The following FAM78B variants were observed in gnomAD, a reference collection of about 807,000 sequenced individuals.
The protein encoded by FAM78B is family with sequence similarity 78 member B.
Under a neutral mutation model 20.0 loss-of-function variants are expected in FAM78B, and 10 were observed. That is an observed-to-expected ratio of 0.50 (90% CI 0.31 to 0.85). FAM78B has a LOEUF of 0.85. Ranked by LOEUF, FAM78B falls within the 40% of genes least tolerant of loss-of-function variation. FAM78B has a pLI of 0.05. For missense variants in FAM78B, 283 were observed against 345.0 expected, an observed-to-expected ratio of 0.82 and a Z score of 1.42; for synonymous variants, 135 against 132.8, an observed-to-expected ratio of 1.02 and a Z score of -0.12.
At chr1:166,082,184 GC>G (rs1450779254) in intron 1 of FAM78B, among the ~76,000 whole-genome samples, 3 of 152,034 alleles carry the variant, frequency 2.0e-5, no homozygotes, top group African/African-American at 7.2e-5. Context: ...TTCCTTATTT[GC>G]CCCACCAGTT....
At chr1:166,082,709 G>C (rs1293983247) in intron 1 of FAM78B, 1 of 152,520 alleles carries the variant, frequency 6.6e-6, no homozygotes, top group Non-Finnish European at 1.5e-5. Context: ...CAATGAATGG[G>C]GCAAGTGTTT....
downstream of FAM78B, among the ~76,000 whole-genome samples, chr1:166,066,003 C>T (rs2101704716): frequency 6.6e-6 from 1 of 152,220 alleles, no homozygotes; most frequent in Non-Finnish European, 1.5e-5. Flanking sequence ...TTAATTGTGC[C>T]CTCAGTTCTA....
chr1:166,106,875 T>C (rs189548078), intron 1 of FAM78B, among the ~76,000 whole-genome samples: 1 of 151,864 alleles, frequency 6.6e-6, no homozygotes, highest in African/African-American at 2.4e-5. Flanking sequence ...GAATCTAAAA[T>C]AAAAGTTGAA....
intron 1 of FAM78B, among the ~76,000 whole-genome samples, chr1:166,162,394 C>T (rs1484748358): frequency 1.3e-5 from 2 of 152,220 alleles, no homozygotes; most frequent in Non-Finnish European, 2.9e-5. Flanking sequence ...GAGATGGTTT[C>T]CATACTATCA....
downstream of FAM78B, among the ~76,000 whole-genome samples, chr1:166,067,280 C>G (rs1651831179): frequency 6.6e-6 from 1 of 152,076 alleles, no homozygotes; most frequent in African/African-American, 2.4e-5. Context: ...TTTAACGAGG[C>G]CTCAAATTCC....
At chr1:166,130,777 A>G (rs949580707) in intron 1 of FAM78B, among the ~76,000 whole-genome samples, 1 of 152,210 alleles carries the variant, frequency 6.6e-6, no homozygotes, top group African/African-American at 2.4e-5. Context: ...AGTGGGAGAT[A>G]CAGGCCTAAG....
At chr1:166,157,360 T>G (rs1280740647) in intron 1 of FAM78B, among the ~76,000 whole-genome samples, 4 of 151,262 alleles carry the variant, frequency 2.6e-5, no homozygotes, top group Non-Finnish European at 5.9e-5. Flanking sequence ...GGGGAGATCT[T>G]ATTACTGTCC....
rs977760840 is a variant in FAM78B, at chr1:166,069,442, T to C, written c.*799A>G. ...AAACAAAATCAAGTTAGTTAGGATT[T>C]CACTAAAACATGGACAGGGCCCCAA... On this transcript the variant is annotated 3_prime_UTR_variant, in exon 2 of 2. Coordinates refer to ENST00000354422, the MANE Select transcript of FAM78B (RefSeq NM_001017961.5). 2 of 152,192 alleles carry C rather than the reference T, an allele frequency of 1.3e-5. No homozygotes were observed. Among genetic ancestry groups the C allele is most frequent in the Non-Finnish European group, 2.9e-5 (2 of 68,044 alleles). The allele number at this position is 152,192 out of a possible 1,614,324, so 9.4% of individuals were successfully genotyped here. A position where few individuals can be genotyped will look rare whatever the true frequency, so the allele number is the denominator to read the frequency against.
intron 1 of FAM78B, among the ~76,000 whole-genome samples, chr1:166,072,322 A>AC (rs1328492441): frequency 2.0e-5 from 3 of 152,232 alleles, no homozygotes; most frequent in East Asian, 3.9e-4. Context: ...GGAGGAGGTG[A>AC]CCCCACAGCT....
chr1:166,081,203 A>G (rs958705882), intron 1 of FAM78B: 3 of 152,182 alleles, frequency 2.0e-5, no homozygotes, highest in African/African-American at 7.2e-5. Context: ...AAGAGTCATC[A>G]GTGCAGAGAC....
chr1:166,089,684 G>C (rs2101735098), intron 1 of FAM78B, among the ~76,000 whole-genome samples: 1 of 152,202 alleles, frequency 6.6e-6, no homozygotes, highest in Non-Finnish European at 1.5e-5. Context: ...CCTGGGACTG[G>C]GAACTGGCAA....
rs1656380914 is a variant in FAM78B at position 166,166,325 on chromosome 1, G to A, written c.-77C>T. ...GCGGGCAGCCGGGGGCGCCCGTCAC[G>A]CCGGCATGGCGACGCGCCGCTCGCT... On this transcript the variant is annotated 5_prime_UTR_variant, in exon 1 of 2. Transcript: ENST00000354422. 1 of 1,079,540 alleles carries A rather than the reference G, an allele frequency of 9.3e-7. No homozygotes were observed. Among genetic ancestry groups the A allele is most frequent in the East Asian group, 6.2e-5 (1 of 16,242 alleles). 66.9% of individuals were successfully genotyped at this position (1,079,540 alleles called of 1,614,324 possible).
intron 1 of FAM78B, among the ~76,000 whole-genome samples, chr1:166,130,265 C>T (rs904548071): frequency 6.6e-6 from 1 of 152,218 alleles, no homozygotes; most frequent in Non-Finnish European, 1.5e-5. Context: ...GATGTGAAAG[C>T]ATGGACGTAA....
chr1:166,104,584 T>C (rs1186584468), intron 1 of FAM78B, among the ~76,000 whole-genome samples: 4 of 152,172 alleles, frequency 2.6e-5, no homozygotes, highest in Non-Finnish European at 5.9e-5. Flanking sequence ...AGCCAAATCA[T>C]GAGTGAACTC....
chr1:166,118,975 G>A (rs1654365906), intron 1 of FAM78B, among the ~76,000 whole-genome samples: 4 of 152,118 alleles, frequency 2.6e-5, no homozygotes, highest in Admixed American at 2.6e-4. Flanking sequence ...GACTGGCCCA[G>A]GGTCACTACG....
At chr1:166,106,727 G>A (rs1653802398) in intron 1 of FAM78B, among the ~76,000 whole-genome samples, 1 of 152,160 alleles carries the variant, frequency 6.6e-6, no homozygotes, top group African/African-American at 2.4e-5. Context: ...TGGAGGGGGA[G>A]AGAGGGAGGG....
intron 1 of FAM78B, among the ~76,000 whole-genome samples, chr1:166,140,275 C>G (rs1557914753): frequency 6.6e-6 from 1 of 152,222 alleles, no homozygotes; most frequent in Non-Finnish European, 1.5e-5. Context: ...AGAATGAAGG[C>G]TGACTTGCCA....
chr1:166,071,689 T>C (rs371148413), intron 1 of FAM78B, among the ~76,000 whole-genome samples: 10 of 152,348 alleles, frequency 6.6e-5, no homozygotes, highest in African/African-American at 2.2e-4. Context: ...TTATTTCCAT[T>C]TTACACACAA....
At chr1:166,105,768 C>G (rs1653750299) in intron 1 of FAM78B, among the ~76,000 whole-genome samples, 1 of 151,764 alleles carries the variant, frequency 6.6e-6, no homozygotes, top group East Asian at 1.9e-4. Flanking sequence ...GGACTGTAAA[C>G]TAGTTCAACC....
Sources: gnomAD v4.1 joint callset for allele counts (sites outside exome capture counted in the v4.1 genomes callset) on GRCh38, gnomAD v4.1.1 for gene constraint, MANE v1.5 for transcripts, NCBI Gene and HGNC (gene_info 2026-07-23, HGNC 2026-07-21) for gene names.